CCT5: variants seen among roughly 807,000 people sequenced by gnomAD.
The protein encoded by CCT5 is T-complex protein 1 subunit epsilon.
In CCT5, 6 loss-of-function variants were observed where a neutral mutation model predicts 55.0. The ratio of observed to expected loss-of-function variants is 0.11; its 90% CI spans 0.06 to 0.22. The LOEUF is 0.22. CCT5 is among the 10% of genes least tolerant of loss of function. The probability of loss-of-function intolerance (pLI) is 1.00; values close to 1 mark genes in which losing one functional copy is unlikely to be tolerated. For missense variants in CCT5, 560 were observed against 694.6 expected, an observed-to-expected ratio of 0.81 and a Z score of 2.18; for synonymous variants, 231 against 243.7, an observed-to-expected ratio of 0.95 and a Z score of 0.49.
chr5:10,259,645 A>G (rs915334932), intron 6 of CCT5, among the ~76,000 whole-genome samples: 1 of 152,196 alleles, frequency 6.6e-6, no homozygotes, highest in Non-Finnish European at 1.5e-5. Context: ...ACAGATGGGG[A>G]TGCTCCTGAG....
chr5:10,254,022 A>T, intron 1 of CCT5, 123 bp from the exon 2 acceptor site: 1 of 723,124 alleles, frequency 1.4e-6, no homozygotes, highest in Non-Finnish European at 2.5e-6. Context: ...GTTGCCCCTT[A>T]AATGTAGAAG....
intron 3 of CCT5, 95 bp downstream of exon 3, chr5:10,254,933 G>C: frequency 1.9e-6 from 2 of 1,042,320 alleles, no homozygotes; most frequent in East Asian, 4.8e-5. Flanking sequence ...CTGAATCAGA[G>C]CATGAGGAGA....
chr5:10,250,454 A>G lies in CCT5; in HGVS notation c.105+9A>G. On this transcript the variant is annotated intron_variant, in intron 1 of 10. Transcript: ENST00000280326. ...GACTTGAGGCCCTCAAGGTAATGGC[A>G]CAGGGACCTGCTCGCGGTGGGCTAA... The G allele has an allele frequency of 1.9e-6, 3 of 1,612,620 alleles. No individual in the cohort carries two copies. Among genetic ancestry groups the G allele is most frequent in the Non-Finnish European group, 2.5e-6 (3 of 1,179,956 alleles).
In CCT5 at chr5:10,261,716, A is replaced by G; in HGVS notation, c.1150A>G (p.Thr384Ala). 6.2e-7 allele frequency: 1 copy of G among 1,614,106 alleles called. No homozygotes were observed. The highest frequency in any genetic ancestry group is 8.5e-7 in the Non-Finnish European group (1 of 1,179,966). Residue 384 changes from threonine (T) to alanine (A), a missense_variant, in exon 8 of 11, where the codon ACC (threonine) becomes GCC (alanine). This residue lies in a region of CCT5 where 256 missense variants were observed against 372.4 expected (regional missense o/e 0.69). Transcript: ENST00000280326. The part of the protein sequence containing the change: ...IEQCKNSRAV[T>A]IFIRGGNKMI... ...GCAGTGTAAGAACTCCAGAGCTGTA[A>G]CCATTTTTATTAGAGGAGGAAATAA...
chr5:10,250,143 G>A, upstream of CCT5: 1 of 1,536,086 alleles, frequency 6.5e-7, no homozygotes, highest in Non-Finnish European at 8.7e-7. Flanking sequence ...CCGGCTTCCT[G>A]GATAATAGAA....
At chr5:10,257,356 A>T (rs1189319741) in intron 4 of CCT5, among the ~76,000 whole-genome samples, 1 of 152,232 alleles carries the variant, frequency 6.6e-6, no homozygotes, top group Non-Finnish European at 1.5e-5. Flanking sequence ...AAAGGAGGAC[A>T]TCATCATTAC....
chr5:10,250,425 A>C lies in CCT5; in HGVS notation c.85A>C (p.Met29Leu), dbSNP rs773861292. 12 of 1,613,646 alleles carry C rather than the reference A, an allele frequency of 7.4e-6. No homozygotes were observed. Among genetic ancestry groups the C allele is most frequent in the Non-Finnish European group, 1.0e-5 (12 of 1,180,018 alleles). ...GGATCAGGACCGCAAGTCCCGTCTTATGGGACTTGAGGCCCTCAAGGTAAT... is the reference window on the plus strand; with the variant it reads ...GGATCAGGACCGCAAGTCCCGTCTTCTGGGACTTGAGGCCCTCAAGGTAAT... ...IKDQDRKSRL[M>L]GLEALKSHIM... The change falls in exon 1 of 11, where the codon ATG (methionine) becomes CTG (leucine). Residue 29 changes from methionine to leucine, a missense_variant. By Grantham distance (15) the Met-to-Leu change is conservative (BLOSUM62 2). Transcript: ENST00000280326.
chr5:10,250,186 G>C, upstream of CCT5: 5 of 1,545,158 alleles, frequency 3.2e-6, no homozygotes, highest in Non-Finnish European at 4.4e-6. Context: ...AGAAGATACT[G>C]TCTGGCGTGA....
chr5:10,250,857 C>T (rs1414899652), intron 1 of CCT5: 4 of 1,048,614 alleles, frequency 3.8e-6, no homozygotes, highest in African/African-American at 3.4e-5. Flanking sequence ...CTGGTCCACC[C>T]GCAACGGCCC....
chr5:10,251,171 A>G (rs1392307775), intron 1 of CCT5, among the ~76,000 whole-genome samples: 1 of 152,208 alleles, frequency 6.6e-6, no homozygotes, highest in East Asian at 1.9e-4. Flanking sequence ...TCCGGTTTTA[A>G]TGGAGCACTG....
chr5:10,253,344 A>G (rs1462430007), intron 1 of CCT5, among the ~76,000 whole-genome samples: 1 of 148,544 alleles, frequency 6.7e-6, no homozygotes, highest in Non-Finnish European at 1.5e-5. Flanking sequence ...AAAAAAGGCC[A>G]GTCAGTAACT....
chr5:10,253,559 T>C (rs1311911521), intron 1 of CCT5, among the ~76,000 whole-genome samples: 1 of 152,150 alleles, frequency 6.6e-6, no homozygotes, highest in Non-Finnish European at 1.5e-5. Flanking sequence ...CTCAAAAGAT[T>C]ACAATTCTGC....
At chr5:10,262,397 CTG>C (rs1746009977) in intron 8 of CCT5, 82 bp from the exon 9 acceptor site, 5 of 1,444,936 alleles carry the variant, frequency 3.5e-6, no homozygotes, top group Non-Finnish European at 4.9e-6. Flanking sequence ...CACAGCCTCT[CTG>C]TCTTTAAAAA....
chr5:10,255,901 A>G (rs1291153001), intron 3 of CCT5, 54 bp from the exon 4 acceptor site: 4 of 1,509,172 alleles, frequency 2.7e-6, no homozygotes, highest in African/African-American at 1.4e-5. Flanking sequence ...TGATTATACT[A>G]AAAGTGAAGT....
intron 4 of CCT5, chr5:10,257,884 A>G: frequency 1.7e-6 from 1 of 582,356 alleles, no homozygotes; most frequent in Non-Finnish European, 3.1e-6. Flanking sequence ...GCGAAAATAA[A>G]GATGTAATTT....
chr5:10,262,374 C>T (rs1746008201), intron 8 of CCT5, 107 bp from the exon 9 acceptor site: 1 of 1,219,270 alleles, frequency 8.2e-7, no homozygotes, highest in Non-Finnish European at 1.2e-6. Context: ...TGGAGGCCAT[C>T]TAAATATTAG....
In CCT5 at chr5:10,262,254, C is replaced by T. The variant is rs2244730; in HGVS notation, c.1180-227C>T. The T allele has an allele frequency of 0.8, 434,897 of 543,826 alleles. 178,145 individuals carry two copies. Among genetic ancestry groups the T allele is most frequent in the East Asian group, 0.89 (26,943 of 30,322 alleles). 33.7% of individuals were successfully genotyped at this position (543,826 alleles called of 1,614,324 possible). On this transcript the variant is annotated intron_variant, in intron 8 of 10. Coordinates refer to ENST00000280326, the MANE Select transcript of CCT5 (RefSeq NM_012073.5). ...CTTTGCGAGTTTTGTCAGTTTTTGA[C>T]TCTTGCTTGACCGTGTATCCTAGAA...
At chr5:10,249,929 AAAAAACC>A (rs1561039983), upstream of CCT5, 753 of 829,920 alleles carry the variant, frequency 9.1e-4, 3 homozygotes, top group East Asian at 2.2e-3. Flanking sequence ...AAAAAAAAAA[AAAAAACC>A]GGAAATGGGT....
At chr5:10,260,549 T>TA (rs1424461033) in intron 6 of CCT5, among the ~76,000 whole-genome samples, 2 of 152,248 alleles carry the variant, frequency 1.3e-5, no homozygotes, top group African/African-American at 4.8e-5. Flanking sequence ...TCAGCAGAAT[T>TA]ACTGCTTGTG....
Sources: allele counts gnomAD v4.1 joint callset (sites outside exome capture counted in the v4.1 genomes callset), GRCh38; gene constraint gnomAD v4.1.1; regional missense constraint gnomAD v4.1.1; transcripts MANE v1.5; gene names NCBI Gene and HGNC (gene_info 2026-07-23, HGNC 2026-07-21).